SLMAP: variants seen among roughly 807,000 people sequenced by gnomAD.
SLMAP encodes sarcolemmal membrane-associated protein.
A neutral mutation model predicts 128.8 loss-of-function variants in SLMAP; 44 were observed. The observed-to-expected ratio is 0.34, with a 90% CI of 0.27 to 0.44. The LOEUF (loss-of-function observed/expected upper bound fraction) is 0.44, where lower values mean the gene tolerates loss of function less well. Among genes scored for constraint, SLMAP ranks in the 20% least tolerant of loss-of-function variants. SLMAP has a pLI of 1.00. For synonymous variants in SLMAP, 327 were observed against 348.8 expected (o/e 0.94, Z 0.70); for missense variants, 787 against 985.3 (o/e 0.80, Z 2.69).
intron 2 of SLMAP, among the ~76,000 whole-genome samples, chr3:57,787,477 G>A (rs777309127): frequency 6.6e-6 from 1 of 151,940 alleles, no homozygotes; most frequent in African/African-American, 2.4e-5. Context: ...TTGCTTATTG[G>A]GCATCTCTTT....
At chr3:57,884,177 C>T (rs777577449) in intron 14 of SLMAP, among the ~76,000 whole-genome samples, 3 of 152,090 alleles carry the variant, frequency 2.0e-5, no homozygotes, top group Non-Finnish European at 2.9e-5. Context: ...GATCTGCCTG[C>T]CTCGGTCTCC....
At chr3:57,889,283 C>T (rs2095996835) in intron 14 of SLMAP, among the ~76,000 whole-genome samples, 1 of 152,198 alleles carries the variant, frequency 6.6e-6, no homozygotes. Context: ...CATTGGGAGA[C>T]TAGAGGCTAT....
chr3:57,843,700 TTCCTTTTC>T (rs1577424671), intron 4 of SLMAP, among the ~76,000 whole-genome samples: 1 of 141,510 alleles, frequency 7.1e-6, no homozygotes, highest in Non-Finnish European at 1.5e-5. Flanking sequence ...CCTTCCTTCC[TTCCTTTTC>T]TTTCTTTCTT....
chr3:57,774,819 C>T (rs975454594), intron 2 of SLMAP, among the ~76,000 whole-genome samples: 5 of 151,996 alleles, frequency 3.3e-5, no homozygotes, highest in African/African-American at 9.7e-5. Context: ...CCATTGCGCC[C>T]GGCCAACAGA....
At chr3:57,892,727 T>A (rs1249572577) in intron 15 of SLMAP, among the ~76,000 whole-genome samples, 1 of 151,880 alleles carries the variant, frequency 6.6e-6, no homozygotes, top group Non-Finnish European at 1.5e-5. Flanking sequence ...AGAGGATCGC[T>A]TGAGCCCAGG....
At chr3:57,789,393 A>AG (rs2084949931) in intron 2 of SLMAP, among the ~76,000 whole-genome samples, 1 of 151,958 alleles carries the variant, frequency 6.6e-6, no homozygotes, top group Non-Finnish European at 1.5e-5. Flanking sequence ...AGGAAACATC[A>AG]GGGGTAAGGG....
At chr3:57,848,195 CTCT>C (rs1416113017) in intron 5 of SLMAP, among the ~76,000 whole-genome samples, 3 of 150,632 alleles carry the variant, frequency 2.0e-5, no homozygotes, top group African/African-American at 7.4e-5. Flanking sequence ...CCTCCTCCTC[CTCT>C]TCTTTTCTTT....
chr3:57,850,875 T>TA (rs1470716831), intron 6 of SLMAP, among the ~76,000 whole-genome samples: 7 of 152,150 alleles, frequency 4.6e-5, no homozygotes, highest in Admixed American at 4.6e-4. Flanking sequence ...GCTCAGGCAA[T>TA]ACACCCACTT....
intron 14 of SLMAP, among the ~76,000 whole-genome samples, chr3:57,880,071 G>T (rs1455831257): frequency 1.3e-5 from 2 of 152,092 alleles, no homozygotes; most frequent in African/African-American, 4.8e-5. Flanking sequence ...TTGGTGGGGT[G>T]GTTCTATTCC....
At chr3:57,784,518 T>C (rs2083693049) in intron 2 of SLMAP, among the ~76,000 whole-genome samples, 1 of 152,194 alleles carries the variant, frequency 6.6e-6, no homozygotes, top group Non-Finnish European at 1.5e-5. Context: ...TTTGGAAAGT[T>C]GGTAACTTGT....
intron 2 of SLMAP, among the ~76,000 whole-genome samples, chr3:57,776,312 A>G (rs1414683229): frequency 1.3e-5 from 2 of 152,108 alleles, no homozygotes; most frequent in African/African-American, 2.4e-5. Context: ...TTGCTTTCAC[A>G]TTAGAGTTTT....
chr3:57,882,205 C>T (rs1296668136), intron 14 of SLMAP, among the ~76,000 whole-genome samples: 3 of 152,198 alleles, frequency 2.0e-5, no homozygotes, highest in Non-Finnish European at 2.9e-5. Context: ...CATGTATGTA[C>T]CAGGCATTAT....
At chr3:57,812,683 C>T (rs956409915) in intron 2 of SLMAP, among the ~76,000 whole-genome samples, 3 of 152,084 alleles carry the variant, frequency 2.0e-5, no homozygotes, top group African/African-American at 7.2e-5. Flanking sequence ...AGTATTAAGA[C>T]TTCTATGATT....
chr3:57,806,789 A>G (rs919423146), intron 2 of SLMAP, among the ~76,000 whole-genome samples: 1 of 152,172 alleles, frequency 6.6e-6, no homozygotes, highest in African/African-American at 2.4e-5. Context: ...GGTTGGTTCC[A>G]TGTATTTGCT....
rs1375750153 is a variant in SLMAP at position 57,929,231 on chromosome 3, A to G, written c.*1942A>G. On this transcript the variant is annotated 3_prime_UTR_variant, in exon 25 of 25. Coordinates refer to ENST00000671191, the MANE Select transcript of SLMAP (RefSeq NM_001377540.1). ...CTGACTCTACTATTGGGTTGTTAAT[A>G]GTCTTCTCTTGACATGACTCTTTAT... 2 of 152,644 alleles carry G rather than the reference A, an allele frequency of 1.3e-5. No individual in the cohort carries two copies. The highest frequency in any genetic ancestry group is 4.8e-5 in the African/African-American group (2 of 41,464). 9.5% of individuals were successfully genotyped at this position (152,644 alleles called of 1,614,324 possible).
At chr3:57,890,689 G>A (rs1488068684) in intron 15 of SLMAP, 2 of 152,130 alleles carry the variant, frequency 1.3e-5, no homozygotes, top group Non-Finnish European at 2.9e-5. Context: ...GAGTTTTAAA[G>A]CACCATATTG....
At chr3:57,776,524 T>TC (rs1576318229) in intron 2 of SLMAP, among the ~76,000 whole-genome samples, 3 of 68,506 alleles carry the variant, frequency 4.4e-5, no homozygotes, top group Admixed American at 1.6e-4. Flanking sequence ...CTCTCTCTCT[T>TC]TTTTTTTTTT....
At chr3:57,881,882 A>G (rs1412367831) in intron 14 of SLMAP, among the ~76,000 whole-genome samples, 1 of 152,176 alleles carries the variant, frequency 6.6e-6, no homozygotes, top group Non-Finnish European at 1.5e-5. Flanking sequence ...CTGTAGTCTC[A>G]ACCAACTGGG....
At chr3:57,806,187 C>G (rs750319417) in intron 2 of SLMAP, among the ~76,000 whole-genome samples, 9 of 152,036 alleles carry the variant, frequency 5.9e-5, no homozygotes, top group Non-Finnish European at 1.3e-4. Context: ...AGCCATTTGT[C>G]CTAATGCTCT....
Sources: allele counts gnomAD v4.1 joint callset (sites outside exome capture counted in the v4.1 genomes callset), GRCh38; gene constraint gnomAD v4.1.1; transcripts MANE v1.5; gene names NCBI Gene and HGNC (gene_info 2026-07-23, HGNC 2026-07-21).